Variants in PPFIBP1 observed in about 807,000 individuals in gnomAD.
The protein encoded by PPFIBP1 is liprin-beta-1.
PPFIBP1 carries 112 observed loss-of-function variants against 137.8 expected under a neutral mutation model. That is an observed-to-expected ratio of 0.81 (90% CI 0.70 to 0.95). PPFIBP1 has a LOEUF of 0.95. PPFIBP1 is among the 40% of genes least tolerant of loss of function. PPFIBP1 has a pLI of 0.00. For missense variants in PPFIBP1, 1,083 were observed against 1,196.6 expected, an observed-to-expected ratio of 0.91 and a Z score of 1.40; for synonymous variants, 378 against 417.3, an observed-to-expected ratio of 0.91 and a Z score of 1.15.
chr12:27,655,486 C>T (rs1231598861), intron 8 of PPFIBP1, among the ~76,000 whole-genome samples: 1 of 152,176 alleles, frequency 6.6e-6, no homozygotes, highest in East Asian at 1.9e-4. Context: ...CTTAGACTAT[C>T]TGAGACCCAA....
rs769438080 is a variant in PPFIBP1, at chr12:27,671,472, G to T, written c.1188G>T (p.Leu396Phe). The change falls in exon 14 of 30, where the codon TTG (leucine) becomes TTT (phenylalanine). Residue 396 changes from leucine to phenylalanine, a missense_variant. Leu to Phe is a conservative substitution (Grantham distance 22, BLOSUM62 0). Transcript: ENST00000228425. Reference sequence around the variant, plus strand: ...TGCAAGTTTCCATCCCTTCATTATTGCCAGCAACTGTAAGCATGGAAACTT... The same window carrying T: ...TGCAAGTTTCCATCCCTTCATTATTTCCAGCAACTGTAAGCATGGAAACTT... ...TILQVSIPSL[L>F]PATVSMETSE... 6.3e-7 allele frequency: 1 copy of T among 1,599,914 alleles called. No homozygotes were observed. Among genetic ancestry groups the T allele is most frequent in the Non-Finnish European group, 8.5e-7 (1 of 1,174,620 alleles).
chr12:27,675,525 C>G (rs1306573508), intron 17 of PPFIBP1, among the ~76,000 whole-genome samples: 1 of 151,964 alleles, frequency 6.6e-6, no homozygotes, highest in Admixed American at 6.6e-5. Flanking sequence ...AAAAAAGAAG[C>G]AGAGGGAAAG....
intron 1 of PPFIBP1, among the ~76,000 whole-genome samples, chr12:27,532,068 C>T (rs1944481789): frequency 6.6e-6 from 1 of 152,102 alleles, no homozygotes; most frequent in Admixed American, 6.5e-5. Flanking sequence ...GCACTAACAG[C>T]TGGTTTCTTG....
intron 2 of PPFIBP1, among the ~76,000 whole-genome samples, chr12:27,595,485 G>T: frequency 6.6e-6 from 1 of 152,166 alleles, no homozygotes; most frequent in East Asian, 1.9e-4. Flanking sequence ...ACCTGAATTA[G>T]AGCCAGGAAT....
intron 2 of PPFIBP1, chr12:27,592,384 A>G (rs2052627243): frequency 1.7e-6 from 1 of 580,420 alleles, no homozygotes; most frequent in Non-Finnish European, 2.9e-6. Context: ...AGGAAAAAAT[A>G]AACTATTGGG....
intron 2 of PPFIBP1, among the ~76,000 whole-genome samples, chr12:27,580,278 C>T (rs2050968265): frequency 6.6e-6 from 1 of 152,136 alleles, no homozygotes; most frequent in Admixed American, 6.5e-5. Context: ...ATCTTGAGCC[C>T]AGAATGAACT....
At chr12:27,551,331 C>A (rs191307249) in intron 1 of PPFIBP1, among the ~76,000 whole-genome samples, 5 of 152,072 alleles carry the variant, frequency 3.3e-5, no homozygotes, top group Non-Finnish European at 7.4e-5. Flanking sequence ...CGCAGGCCAC[C>A]GTGCTGCTAA....
At chr12:27,604,788 C>G (rs1370393891) in intron 2 of PPFIBP1, among the ~76,000 whole-genome samples, 2 of 152,116 alleles carry the variant, frequency 1.3e-5, no homozygotes, top group African/African-American at 4.8e-5. Context: ...AAGACACACC[C>G]GAGACTGGGA....
chr12:27,529,634 C>T (rs927144007), intron 1 of PPFIBP1, among the ~76,000 whole-genome samples: 1 of 152,228 alleles, frequency 6.6e-6, no homozygotes, highest in Non-Finnish European at 1.5e-5. Flanking sequence ...GCGGAGGTTA[C>T]AGTGAGCTGA....
At chr12:27,581,190 C>G (rs533775115) in intron 2 of PPFIBP1, among the ~76,000 whole-genome samples, 1 of 152,310 alleles carries the variant, frequency 6.6e-6, no homozygotes, top group Non-Finnish European at 1.5e-5. Flanking sequence ...CCACTGCTCC[C>G]AGCTGTACCT....
chr12:27,659,018 A>G (rs184998939), intron 10 of PPFIBP1, among the ~76,000 whole-genome samples, 170 bp downstream of exon 10: 28 of 152,358 alleles, frequency 1.8e-4, no homozygotes, highest in African/African-American at 5.5e-4. Flanking sequence ...TAATAAAACA[A>G]TAAGGTAAAA....
intron 9 of PPFIBP1, among the ~76,000 whole-genome samples, chr12:27,657,569 A>G (rs560850037): frequency 3.3e-5 from 5 of 151,754 alleles, no homozygotes; most frequent in African/African-American, 9.7e-5. Context: ...TTGTCTGTCC[A>G]ATGAGGGACT....
rs531620890 is a variant in PPFIBP1 at position 27,645,925 on chromosome 12, G to A, written c.271-137G>A. On this transcript the variant is annotated intron_variant, in intron 4 of 29. Coordinates refer to ENST00000228425, the MANE Select transcript of PPFIBP1 (RefSeq NM_003622.4). Reference sequence around the variant, plus strand: ...GGTAAATGAACCAAATTGCATTCTCGTATTTTCTGTTTGACAGTGACAGCT... The same window carrying A: ...GGTAAATGAACCAAATTGCATTCTCATATTTTCTGTTTGACAGTGACAGCT... The A allele has an allele frequency of 1.0e-4, 64 of 634,666 alleles. No homozygotes were observed. In the South Asian group the frequency reaches 1.1e-3, roughly 11 times the overall value. 39.3% of individuals were successfully genotyped at this position (634,666 alleles called of 1,614,324 possible). A position where few individuals can be genotyped will look rare whatever the true frequency, so the allele number is the denominator to read the frequency against.
chr12:27,678,603 T>G (rs2060664722), intron 19 of PPFIBP1, among the ~76,000 whole-genome samples: 1 of 152,066 alleles, frequency 6.6e-6, no homozygotes, highest in African/African-American at 2.4e-5. Flanking sequence ...CTCACGCCTG[T>G]AATCTCAGCA....
At chr12:27,593,555 G>A in intron 2 of PPFIBP1, 1 of 364,340 alleles carries the variant, frequency 2.7e-6, no homozygotes, top group Non-Finnish European at 5.3e-6. Flanking sequence ...CCGTACAGCT[G>A]GAAATCTGAG....
At chr12:27,634,644 C>G (rs768659263) in intron 3 of PPFIBP1, among the ~76,000 whole-genome samples, 1 of 152,184 alleles carries the variant, frequency 6.6e-6, no homozygotes, top group Non-Finnish European at 1.5e-5. Flanking sequence ...CACCTCACAC[C>G]AAAGCCCACC....
chr12:27,626,592 A>T (rs1467704384), intron 2 of PPFIBP1, among the ~76,000 whole-genome samples: 2 of 150,688 alleles, frequency 1.3e-5, no homozygotes, highest in East Asian at 3.9e-4. Flanking sequence ...TTTGAGATGG[A>T]GTCTCACTCT....
intron 1 of PPFIBP1, chr12:27,548,235 C>T (rs1003786692): frequency 6.6e-6 from 1 of 152,122 alleles, no homozygotes; most frequent in South Asian, 2.1e-4. Context: ...GAATATTCAT[C>T]CTATGTGTAT....
rs1164951368 is a variant in PPFIBP1, at chr12:27,682,039, A to AG, written c.2046+343_2046+344insG. 2.6e-5 allele frequency among the ~76,000 whole-genome samples: 4 copies of AG among 151,506 alleles called. No individual in the cohort carries two copies. The East Asian group carries it at 5.8e-4, about 22-fold the overall frequency. ...AATTAACTTCACTTTGCAAAAGAAA[A>AG]AAAAAAAGCACCCTACAATTTGTGT... On this transcript the variant is annotated intron_variant, in intron 22 of 29. Transcript: ENST00000228425.
Sources: allele counts gnomAD v4.1 joint callset (sites outside exome capture counted in the v4.1 genomes callset), GRCh38; gene constraint gnomAD v4.1.1; transcripts MANE v1.5; gene names NCBI Gene and HGNC (gene_info 2026-07-23, HGNC 2026-07-21).